CDH13: variants seen among roughly 807,000 people sequenced by gnomAD.
The protein encoded by CDH13 is cadherin-13.
CDH13 carries 24 observed loss-of-function variants against 63.8 expected under a neutral mutation model. The ratio of observed to expected loss-of-function variants is 0.38; its 90% confidence interval spans 0.27 to 0.53. The LOEUF (loss-of-function observed/expected upper bound fraction) is 0.53. Among genes scored for constraint, CDH13 ranks in the 20% least tolerant of loss-of-function variants. The pLI is 0.85. For synonymous variants in CDH13, 503 were observed against 355.3 expected (o/e 1.42, Z -4.67); for missense variants, 1,049 against 903.1 (o/e 1.16, Z -2.07).
chr16:82,855,533 A>T (rs1445869578), intron 1 of CDH13, among the ~76,000 whole-genome samples: 1 of 152,184 alleles, frequency 6.6e-6, no homozygotes, highest in Non-Finnish European at 1.5e-5. Flanking sequence ...TTGGCCAGTT[A>T]TAGATTTTCT....
At chr16:83,191,464 T>TATATATATATATATATATGCAC (rs2038698668) in intron 4 of CDH13, among the ~76,000 whole-genome samples, 1 of 92,500 alleles carries the variant, frequency 1.1e-5, no homozygotes, top group Non-Finnish European at 2.2e-5. Context: ...AGGAAATATA[T>TATATATATATATATATATGCAC]ATATATATAT....
At chr16:83,131,110 T>C (rs2036024001) in intron 4 of CDH13, among the ~76,000 whole-genome samples, 1 of 149,862 alleles carries the variant, frequency 6.7e-6, no homozygotes, top group South Asian at 2.1e-4. Flanking sequence ...GAGGGAATCA[T>C]ATTACAACCC....
intron 5 of CDH13, among the ~76,000 whole-genome samples, chr16:83,344,003 AAGGTCACAC>A: frequency 6.6e-6 from 1 of 152,334 alleles, no homozygotes; most frequent in South Asian, 2.1e-4. Flanking sequence ...TGTCTTGCTC[AAGGTCACAC>A]AGATAGGAAA....
At chr16:82,700,549 G>A (rs879858403) in intron 1 of CDH13, among the ~76,000 whole-genome samples, 1 of 151,974 alleles carries the variant, frequency 6.6e-6, no homozygotes, top group African/African-American at 2.4e-5. Flanking sequence ...GTGTGTGTCT[G>A]TGTGTCTTTC....
intron 1 of CDH13, among the ~76,000 whole-genome samples, chr16:82,675,762 A>C (rs1004633458): frequency 3.3e-5 from 5 of 152,164 alleles, no homozygotes; most frequent in African/African-American, 1.2e-4. Flanking sequence ...CTATATATCC[A>C]GTCCAGCCTT....
chr16:83,161,158 T>C (rs185511315), intron 4 of CDH13, among the ~76,000 whole-genome samples: 1 of 152,356 alleles, frequency 6.6e-6, no homozygotes, highest in African/African-American at 2.4e-5. Context: ...TCTAAGGCTA[T>C]ATTGGACCAC....
At chr16:83,210,477 A>C (rs1269593283) in intron 4 of CDH13, among the ~76,000 whole-genome samples, 1 of 152,094 alleles carries the variant, frequency 6.6e-6, no homozygotes, top group African/African-American at 2.4e-5. Context: ...AATCAGAAAC[A>C]TGGAGGCCAG....
intron 1 of CDH13, among the ~76,000 whole-genome samples, chr16:82,744,536 G>T (rs1465080337): frequency 6.6e-6 from 1 of 151,962 alleles, no homozygotes; most frequent in Non-Finnish European, 1.5e-5. Flanking sequence ...ATAAATCTCT[G>T]GGCTGGCTTC....
chr16:83,558,057 C>T (rs376315575), intron 7 of CDH13, among the ~76,000 whole-genome samples: 7 of 152,140 alleles, frequency 4.6e-5, no homozygotes, highest in Admixed American at 3.3e-4. Flanking sequence ...GGGCACCCAG[C>T]AATGCTCACA....
intron 2 of CDH13, among the ~76,000 whole-genome samples, chr16:82,886,458 A>G (rs2151214110): frequency 6.6e-6 from 1 of 152,260 alleles, no homozygotes; most frequent in Non-Finnish European, 1.5e-5. Flanking sequence ...CTATTTTATT[A>G]ACTTGTTTTT....
intron 2 of CDH13, among the ~76,000 whole-genome samples, chr16:83,027,101 G>GCCCCCCCCCCCCCC (rs1386342125): frequency 7.6e-5 from 9 of 118,612 alleles, no homozygotes; most frequent in African/African-American, 1.1e-4. Flanking sequence ...ACAGAAGGGA[G>GCCCCCCCCCCCCCC]ACCCCCCCCC....
At chr16:83,041,345 G>C (rs1203206976) in intron 3 of CDH13, among the ~76,000 whole-genome samples, 2 of 151,932 alleles carry the variant, frequency 1.3e-5, no homozygotes, top group African/African-American at 4.8e-5. Context: ...CAATTTAAAA[G>C]ACGTAATTTT....
chr16:82,831,646 G>A (rs1368910904), intron 1 of CDH13, among the ~76,000 whole-genome samples: 1 of 152,124 alleles, frequency 6.6e-6, no homozygotes, highest in African/African-American at 2.4e-5. Flanking sequence ...ATAACGTCCA[G>A]GTCATTTCAC....
At chr16:82,928,177 T>C (rs953186281) in intron 2 of CDH13, among the ~76,000 whole-genome samples, 18 of 151,794 alleles carry the variant, frequency 1.2e-4, no homozygotes, top group Middle Eastern at 6.8e-3. Context: ...TGTGTGTGTG[T>C]GTGTGTGTGT....
At chr16:82,975,083 C>A (rs1313128186) in intron 2 of CDH13, among the ~76,000 whole-genome samples, 2 of 152,198 alleles carry the variant, frequency 1.3e-5, no homozygotes, top group Non-Finnish European at 2.9e-5. Context: ...TTTCTGATTT[C>A]TTTCAGTCCG....
intron 2 of CDH13, among the ~76,000 whole-genome samples, chr16:82,902,815 G>A (rs577441565): frequency 6.6e-6 from 1 of 152,238 alleles, no homozygotes; most frequent in Non-Finnish European, 1.5e-5. Context: ...GAAGATGTCT[G>A]CCTTGGTCTG....
rs375615045 is a variant in CDH13, at chr16:82,986,119, T to C, written c.158-45891T>C. Among the ~76,000 whole-genome samples the C allele has an allele frequency of 2.0e-5, 3 of 152,330 alleles. No individual in the cohort carries two copies. In the South Asian group the frequency reaches 6.2e-4, roughly 32 times the overall value. On this transcript the variant is annotated intron_variant, in intron 2 of 13. Transcript: ENST00000567109. ...TAATACAGTAATACTCTTACACTTA[T>C]TGTAGAGATGTTGTGGGACAACATA...
chr16:83,435,963 A>C (rs989479111), intron 6 of CDH13, among the ~76,000 whole-genome samples: 1 of 152,200 alleles, frequency 6.6e-6, no homozygotes, highest in African/African-American at 2.4e-5. Flanking sequence ...TTAAAAAGCT[A>C]TTGAGAGTTT....
chr16:83,705,873 A>G (rs561591690), intron 10 of CDH13, among the ~76,000 whole-genome samples: 1 of 152,312 alleles, frequency 6.6e-6, no homozygotes, highest in East Asian at 1.9e-4. Context: ...ATCCTAACTT[A>G]AATTTTATAA....
Sources: gnomAD v4.1 joint callset for allele counts (sites outside exome capture counted in the v4.1 genomes callset) on GRCh38, gnomAD v4.1.1 for gene constraint, MANE v1.5 for transcripts, NCBI Gene and HGNC (gene_info 2026-07-23, HGNC 2026-07-21) for gene names.